Variants in NBPF3 observed in about 807,000 individuals in gnomAD.
NBPF3 encodes NBPF member 3.
A neutral mutation model predicts 78.1 loss-of-function variants in NBPF3; 57 were observed. That is an observed-to-expected ratio of 0.73 (90% CI 0.59 to 0.91). The LOEUF is 0.91. Ranked by LOEUF, NBPF3 falls within the 40% of genes least tolerant of loss-of-function variation. The pLI is 0.00. For missense variants in NBPF3, 510 were observed against 715.3 expected, an observed-to-expected ratio of 0.71 and a Z score of 3.27; for synonymous variants, 182 against 271.7, an observed-to-expected ratio of 0.67 and a Z score of 3.25.
At position 21,476,023 on chromosome 1, in the gene NBPF3, G is replaced by A. The variant is rs1558504324; in HGVS notation, c.992+1072G>A. Reference sequence around the variant, plus strand: ...GTTGAATTGATCCCTTTGCAATTATGTAATGGCCTTCTTTGTCTCTTTTGA... The same window carrying A: ...GTTGAATTGATCCCTTTGCAATTATATAATGGCCTTCTTTGTCTCTTTTGA... On this transcript the variant is annotated intron_variant, in intron 8 of 14. Coordinates refer to ENST00000318249, the MANE Select transcript of NBPF3 (RefSeq NM_032264.6). This position sits in a 1 kb window ranked among gnomAD's most constrained non-coding sequence, Gnocchi z 4.1. 6.6e-6 allele frequency among the ~76,000 whole-genome samples: 1 copy of A among 152,184 alleles called. No individual in the cohort carries two copies. The highest frequency in any genetic ancestry group is 6.5e-5 in the Admixed American group (1 of 15,280).
At position 21,473,705 on chromosome 1, in the gene NBPF3, G is replaced by A. The variant is rs760905116; in HGVS notation, c.940+120G>A. 1.1e-5 allele frequency: 10 copies of A among 885,770 alleles called. No homozygotes were observed. The Middle Eastern group carries it at 1.1e-3, about 95-fold the overall frequency. The allele number at this position is 885,770 out of a possible 1,614,324, so 54.9% of individuals were successfully genotyped here. ...AATCTATTATGGTATTCTTAACAGAGATATCAAGGAGGTTTTCTGTCCTTC... is the reference window on the plus strand; with the variant it reads ...AATCTATTATGGTATTCTTAACAGAAATATCAAGGAGGTTTTCTGTCCTTC... On this transcript the variant is annotated intron_variant, in intron 7 of 14. Transcript: ENST00000318249.
intron 7 of NBPF3, among the ~76,000 whole-genome samples, chr1:21,474,578 A>G (rs1281665704): frequency 6.6e-6 from 1 of 152,184 alleles, no homozygotes; most frequent in Non-Finnish European, 1.5e-5. Context: ...ATAAGTCAGT[A>G]TTGCAACAAC....
rs1201970625 is a variant in NBPF3, at chr1:21,468,904, T to A, written c.343+7T>A. ...AACCGGCAAAATAATTACGGTAAGT[T>A]CTATAGGCTCACCATCACAAAAGCG... On this transcript the variant is annotated splice_region_variant and intron_variant, in intron 3 of 14. Transcript: ENST00000318249. The A allele has an allele frequency of 6.3e-7, 1 of 1,598,248 alleles. No homozygotes were observed. Among genetic ancestry groups the A allele is most frequent in the Non-Finnish European group, 8.6e-7 (1 of 1,166,282 alleles).
chr1:21,470,772 G>A (rs1158322009), intron 4 of NBPF3, 38 bp downstream of exon 4: 7 of 1,410,022 alleles, frequency 5.0e-6, no homozygotes, highest in African/African-American at 2.8e-5. Flanking sequence ...GTGGGCAGGT[G>A]TGTAAATATC....
rs574566525 is a variant in NBPF3, at chr1:21,470,654, C to A, written c.366C>A (p.Leu122=). 1 of 1,598,992 alleles carries A rather than the reference C, an allele frequency of 6.3e-7. No homozygotes were observed. Among genetic ancestry groups the A allele is most frequent in the South Asian group, 1.1e-5 (1 of 90,894 alleles). ...NNYDYEDCKD[L]IKSMLRDERL... is the part of the protein sequence containing the mutation. ...CAGACTATGAAGACTGCAAAGACCT[C>A]ATAAAATCTATGCTGAGGGATGAGC... Residue 122 remains leucine, a synonymous_variant, in exon 4 of 15, where the codon CTC becomes CTA. Transcript: ENST00000318249.
Position 21,460,788 on chromosome 1 carries a change from A to G in NBPF3, c.134-7900A>G, listed in dbSNP as rs1641908905. On this transcript the variant is annotated intron_variant, in intron 2 of 14. Transcript: ENST00000318249. This position sits in a 1 kb window ranked among gnomAD's most constrained non-coding sequence, Gnocchi z 4.2. ...CATTTTTAAAAACCTTCTGCTTATT[A>G]TGTTGTTGTTTAACAACTTAAAAGC... Among the ~76,000 whole-genome samples, 1 of 152,224 alleles carries G rather than the reference A, an allele frequency of 6.6e-6. No homozygotes were observed. Among genetic ancestry groups the G allele is most frequent in the African/African-American group, 2.4e-5 (1 of 41,458 alleles).
chr1:21,457,325 A>G (rs753512537), intron 2 of NBPF3, among the ~76,000 whole-genome samples: 12 of 123,830 alleles, frequency 9.7e-5, no homozygotes, highest in Non-Finnish European at 1.8e-4. Flanking sequence ...ATTTCCAACA[A>G]AGGGTTTTTA....
intron 1 of NBPF3, among the ~76,000 whole-genome samples, chr1:21,442,608 C>G (rs930294463): frequency 6.6e-6 from 1 of 152,016 alleles, no homozygotes; most frequent in Non-Finnish European, 1.5e-5. Flanking sequence ...CAATGCCTAA[C>G]CTAAGAGTAT....
At chr1:21,442,951 C>T (rs528614365) in intron 1 of NBPF3, among the ~76,000 whole-genome samples, 5 of 152,202 alleles carry the variant, frequency 3.3e-5, no homozygotes, top group African/African-American at 9.6e-5. Flanking sequence ...TGTGAGCCAC[C>T]CCACCTGGCT....
At position 21,445,008 on chromosome 1, in the gene NBPF3, A is replaced by C. The variant is rs1569916889; in HGVS notation, c.-79A>C. 1 of 1,494,926 alleles carries C rather than the reference A, an allele frequency of 6.7e-7. No homozygotes were observed. Among genetic ancestry groups the C allele is most frequent in the Non-Finnish European group, 9.0e-7 (1 of 1,110,468 alleles). The allele number at this position is 1,494,926 out of a possible 1,614,324, so 92.6% of individuals were successfully genotyped here. On this transcript the variant is annotated 5_prime_UTR_variant, in exon 2 of 15. Coordinates refer to ENST00000318249, the MANE Select transcript of NBPF3 (RefSeq NM_032264.6). Reference sequence around the variant, plus strand: ...AAGGTTCCTGGTGACCCAGGCTCTCACCAGCCAATTGTCCCTTGCCGTCCT... The same window carrying C: ...AAGGTTCCTGGTGACCCAGGCTCTCCCCAGCCAATTGTCCCTTGCCGTCCT...
chr1:21,452,459 G>A (rs1287139993), intron 2 of NBPF3, among the ~76,000 whole-genome samples: 1 of 152,214 alleles, frequency 6.6e-6, no homozygotes, highest in Non-Finnish European at 1.5e-5. Flanking sequence ...AACATTTGGA[G>A]GTAATTCAGT....
At chr1:21,473,343 T>G in intron 6 of NBPF3, 37 bp from the exon 7 acceptor site, 1 of 1,603,124 alleles carries the variant, frequency 6.2e-7, no homozygotes, top group Non-Finnish European at 8.5e-7. Flanking sequence ...CCTCTGTGTT[T>G]AGTCTTCTGT....
chr1:21,467,274 C>T (rs1471619747), intron 2 of NBPF3: 18 of 985,304 alleles, frequency 1.8e-5, no homozygotes, highest in Non-Finnish European at 2.2e-5. Context: ...GAATGCTGGG[C>T]AGCCCAGGAT....
At chr1:21,447,753 C>T (rs1298953510) in intron 2 of NBPF3, among the ~76,000 whole-genome samples, 2 of 152,214 alleles carry the variant, frequency 1.3e-5, no homozygotes, top group African/African-American at 4.8e-5. Flanking sequence ...TCCAAAGTGA[C>T]AGTACCCTTT....
At chr1:21,446,446 TTTCCTTCCTTCCTTCCTTCCTTCC>T (rs34605179) in intron 2 of NBPF3, 7 of 104,852 alleles carry the variant, frequency 6.7e-5, no homozygotes, top group Admixed American at 1.1e-4. Flanking sequence ...AATTTGTTCA[TTTCCTTCCTTCCTTCCTTCCTTCC>T]TTCCTTCCTT....
intron 8 of NBPF3, 108 bp downstream of exon 8, chr1:21,475,059 G>A: frequency 1.1e-6 from 1 of 941,388 alleles, no homozygotes. Flanking sequence ...CATTCACCCA[G>A]CTACAAGTTG....
intron 2 of NBPF3, 183 bp from the exon 3 acceptor site, chr1:21,468,505 C>T: frequency 6.8e-7 from 1 of 1,466,366 alleles, no homozygotes. Context: ...GCCTTCAGCT[C>T]TGAGCTCAGG....
upstream of NBPF3, among the ~76,000 whole-genome samples, chr1:21,439,960 A>C (rs1976403): frequency 0.33 from 49,885 of 152,048 alleles, 8,848 homozygotes; most frequent in South Asian, 0.46. Flanking sequence ...TCGGTGCATC[A>C]CCTAGGTTAC....
Position 21,478,203 on chromosome 1 carries a change from G to A in NBPF3, c.1052G>A (p.Trp351Ter), listed in dbSNP as rs751583958. Reference protein sequence around the residue: ...APQESWDEGDWTLSIPPDMSA... With the variant: ...APQESWDEGD ...CAGGAGTCCTGGGATGAAGGTGATT[G>A]GACTCTCTCAATTCCTCCTGACATG... Residue 351 changes from tryptophan to a stop codon, truncating the protein, a stop_gained, in exon 9 of 15, where the codon TGG becomes TAG. Coordinates refer to ENST00000318249, the MANE Select transcript of NBPF3 (RefSeq NM_032264.6). LOFTEE classifies it high-confidence loss of function. The A allele has an allele frequency of 2.5e-6, 4 of 1,614,142 alleles. No homozygotes were observed. The highest frequency in any genetic ancestry group is 4.5e-5 in the East Asian group (2 of 44,878).
Sources: allele counts gnomAD v4.1 joint callset (sites outside exome capture counted in the v4.1 genomes callset), GRCh38; gene constraint gnomAD v4.1.1; non-coding constraint Gnocchi (gnomAD v3.1); transcripts MANE v1.5; gene names NCBI Gene and HGNC (gene_info 2026-07-23, HGNC 2026-07-21).